The following RCBTB1 variants were observed in gnomAD, a reference collection of about 807,000 sequenced individuals.
RCBTB1 encodes the protein RCC1 and BTB domain containing protein 1.
In RCBTB1, 46 loss-of-function variants were observed where a neutral mutation model predicts 62.4. The observed-to-expected ratio is 0.74, with a 90% CI of 0.58 to 0.94. The LOEUF (loss-of-function observed/expected upper bound fraction) is 0.94. Among genes scored for constraint, RCBTB1 ranks in the 40% least tolerant of loss-of-function variants. The pLI, the probability that RCBTB1 is intolerant of heterozygous loss-of-function variation, is 0.00. For synonymous variants in RCBTB1, 222 were observed against 245.8 expected, an observed-to-expected ratio of 0.90 and a Z score of 0.91; for missense variants, 565 against 654.9, an observed-to-expected ratio of 0.86 and a Z score of 1.50.
At chr13:49,560,895 C>T (rs997796576) in intron 4 of RCBTB1, among the ~76,000 whole-genome samples, 8 of 152,120 alleles carry the variant, frequency 5.3e-5, no homozygotes, top group South Asian at 2.1e-4. Context: ...GTAAGGTATG[C>T]GGGGATGAGG....
At chr13:49,585,350 G>C (rs978803826) in intron 1 of RCBTB1, 94 bp downstream of exon 1, 1 of 152,156 alleles carries the variant, frequency 6.6e-6, no homozygotes, top group African/African-American at 2.4e-5. Flanking sequence ...AGGAGTAACG[G>C]GGCACTCCCG....
intron 1 of RCBTB1, among the ~76,000 whole-genome samples, chr13:49,584,520 G>C (rs1964283629): frequency 6.6e-6 from 1 of 152,166 alleles, no homozygotes; most frequent in African/African-American, 2.4e-5. Flanking sequence ...AAAGTTTAAA[G>C]CACCTATAAA....
chr13:49,538,885 T>A (rs1166408583), intron 12 of RCBTB1, among the ~76,000 whole-genome samples: 1 of 117,682 alleles, frequency 8.5e-6, no homozygotes, highest in Admixed American at 1.0e-4. Flanking sequence ...AAGTTTTTTT[T>A]AACTTTTTTT....
intron 12 of RCBTB1, among the ~76,000 whole-genome samples, chr13:49,534,804 C>T (rs1008168221): frequency 6.6e-6 from 1 of 152,162 alleles, no homozygotes; most frequent in East Asian, 1.9e-4. Flanking sequence ...GAGGCCGAGG[C>T]GGGCGGATCA....
At chr13:49,547,109 A>G in intron 9 of RCBTB1, 1 of 1,286,664 alleles carries the variant, frequency 7.8e-7, no homozygotes, top group South Asian at 1.2e-5. Flanking sequence ...TATGCCATAC[A>G]TGTGCAATTC....
At chr13:49,542,403 A>G (rs1487673829) in intron 10 of RCBTB1, among the ~76,000 whole-genome samples, 1 of 152,168 alleles carries the variant, frequency 6.6e-6, no homozygotes, top group African/African-American at 2.4e-5. Flanking sequence ...GCCTGGAAGT[A>G]CCTAGCACTT....
chr13:49,585,374 G>C (rs1160242973), intron 1 of RCBTB1, 70 bp downstream of exon 1: 2 of 152,148 alleles, frequency 1.3e-5, no homozygotes, highest in African/African-American at 4.8e-5. Flanking sequence ...CGGCCTGCGG[G>C]GAAGGGAAGC....
chr13:49,569,766 G>T (rs114329730), intron 2 of RCBTB1, among the ~76,000 whole-genome samples: 2,049 of 151,526 alleles, frequency 0.014, 46 homozygotes, highest in African/African-American at 0.046. Context: ...TATTAGCCAG[G>T]CATGGTGGCG....
intron 2 of RCBTB1, among the ~76,000 whole-genome samples, chr13:49,576,091 G>A (rs1400309172): frequency 6.9e-6 from 1 of 145,626 alleles, no homozygotes; most frequent in Non-Finnish European, 1.5e-5. Context: ...GGAGGCTGAG[G>A]AAGGAGAATG....
chr13:49,553,585 G>A (rs908495738), intron 6 of RCBTB1, among the ~76,000 whole-genome samples: 2 of 152,178 alleles, frequency 1.3e-5, no homozygotes, highest in African/African-American at 4.8e-5. Flanking sequence ...AATAGCCATA[G>A]GAAAAAGTAC....
chr13:49,558,889 A>G (rs1418507949), intron 5 of RCBTB1, among the ~76,000 whole-genome samples: 17 of 152,178 alleles, frequency 1.1e-4, no homozygotes, highest in Admixed American at 1.1e-3. Context: ...ACCCACCACC[A>G]CTATGATCAC....
chr13:49,559,428 G>A (rs12428300), intron 5 of RCBTB1, among the ~76,000 whole-genome samples: 10,646 of 152,100 alleles, frequency 0.07, 463 homozygotes, highest in South Asian at 0.13. Flanking sequence ...AGGCCAAGGC[G>A]GGCAGATCAC....
rs756913735 is a variant in RCBTB1, at chr13:49,559,909, C to T, written c.444+9G>A. Reference sequence around the variant, plus strand: ...AAAAAAGAATAAAGAATAAAAGCAGCATACTTACCTCTCCATCAGCTGCCA... The same window carrying T: ...AAAAAAGAATAAAGAATAAAAGCAGTATACTTACCTCTCCATCAGCTGCCA... On this transcript the variant is annotated intron_variant, in intron 5 of 12. Transcript: ENST00000378302. The T allele has an allele frequency of 1.5e-5, 24 of 1,597,318 alleles. No individual in the cohort carries two copies. The highest frequency in any genetic ancestry group is 2.0e-5 in the Non-Finnish European group (24 of 1,174,936).
At chr13:49,553,825 A>G (rs547621350) in intron 6 of RCBTB1, among the ~76,000 whole-genome samples, 1 of 152,338 alleles carries the variant, frequency 6.6e-6, no homozygotes, top group East Asian at 1.9e-4. Context: ...AAATTTGGCA[A>G]TGGCTATCAG....
chr13:49,543,774 C>T (rs1960580321), intron 10 of RCBTB1, among the ~76,000 whole-genome samples: 1 of 152,160 alleles, frequency 6.6e-6, no homozygotes, highest in Non-Finnish European at 1.5e-5. Flanking sequence ...CAGCCTTGAT[C>T]TACTGGGCTC....
At chr13:49,584,705 T>C (rs189281859) in intron 1 of RCBTB1, among the ~76,000 whole-genome samples, 40 of 152,234 alleles carry the variant, frequency 2.6e-4, no homozygotes, top group Admixed American at 2.4e-3. Context: ...ATGAATCTGG[T>C]TTTCTAAAAG....
intron 12 of RCBTB1, among the ~76,000 whole-genome samples, chr13:49,539,085 G>A (rs377096420): frequency 9.2e-5 from 14 of 151,794 alleles, no homozygotes; most frequent in South Asian, 2.1e-4. Flanking sequence ...GGCCAGGCTG[G>A]TCTCAAACTC....
intron 6 of RCBTB1, 78 bp from the exon 7 acceptor site, chr13:49,552,363 TA>T: frequency 1.2e-6 from 1 of 832,372 alleles, no homozygotes; most frequent in Non-Finnish European, 1.9e-6. Flanking sequence ...CCAGCCCATC[TA>T]AACAAATCAG....
rs908042963 is a variant in RCBTB1 at position 49,552,419 on chromosome 13, C to A, written c.604-134G>T. 6.9e-6 allele frequency: 4 copies of A among 579,808 alleles called. No homozygotes were observed. The African/African-American group carries it at 7.6e-5, about 11-fold the overall frequency. 35.9% of individuals were successfully genotyped at this position (579,808 alleles called of 1,614,324 possible). A position where few individuals can be genotyped will look rare whatever the true frequency, so the allele number is the denominator to read the frequency against. ...TCTACTCTATGCTCCTGCAACTGAT[C>A]TCCAAACAGAAGCTATTTTGGAGAA... On this transcript the variant is annotated intron_variant, in intron 6 of 12. Transcript: ENST00000378302.
Sources: gnomAD v4.1 joint callset for allele counts (sites outside exome capture counted in the v4.1 genomes callset) on GRCh38, gnomAD v4.1.1 for gene constraint, MANE v1.5 for transcripts, NCBI Gene and HGNC (gene_info 2026-07-23, HGNC 2026-07-21) for gene names.